Variants in OTOG observed in about 807,000 individuals in gnomAD.
OTOG encodes the protein otogelin.
In OTOG, 296 loss-of-function variants were observed where a neutral mutation model predicts 313.8. The observed-to-expected ratio is 0.94, with a 90% CI of 0.86 to 1.04. The LOEUF (loss-of-function observed/expected upper bound fraction) is 1.04, where lower values mean the gene tolerates loss of function less well. Ranked by LOEUF, OTOG falls within the 50% of genes least tolerant of loss-of-function variation. The pLI is 0.00. For synonymous variants in OTOG, 1,533 were observed against 1,554.9 expected (o/e 0.99, Z 0.33); for missense variants, 3,948 against 3,840.1 (o/e 1.03, Z -0.74).
chr11:17,634,625 G>T (rs533757853), intron 44 of OTOG, among the ~76,000 whole-genome samples: 2 of 152,270 alleles, frequency 1.3e-5, no homozygotes, highest in East Asian at 3.9e-4. Flanking sequence ...TGTGAGATGG[G>T]GTGCGTGTCA....
chr11:17,552,603 C>CCTCACCTGTACTGTGTCT (rs1363927998), intron 4 of OTOG, among the ~76,000 whole-genome samples: 4 of 134,322 alleles, frequency 3.0e-5, no homozygotes, highest in Admixed American at 7.5e-5. Context: ...GTCCTGTGTC[C>CCTCACCTGTACTGTGTCT]CCCACCTGTC....
intron 19 of OTOG, among the ~76,000 whole-genome samples, chr11:17,573,593 C>A (rs1852454552): frequency 6.6e-6 from 1 of 152,208 alleles, no homozygotes; most frequent in South Asian, 2.1e-4. Context: ...ACCTCCGCCA[C>A]CCTACTCAGA....
chr11:17,553,443 A>C lies in OTOG; in HGVS notation c.464A>C (p.Tyr155Ser). 6.8e-7 allele frequency: 1 copy of C among 1,472,846 alleles called. No homozygotes were observed. Among genetic ancestry groups the C allele is most frequent in the Non-Finnish European group, 9.0e-7 (1 of 1,110,456 alleles). The allele number at this position is 1,472,846 out of a possible 1,614,324, so 91.2% of individuals were successfully genotyped here. Residue 155 changes from tyrosine to serine, a missense_variant, in exon 6 of 56, where the codon TAC becomes TCC. By Grantham distance (144) the Tyr-to-Ser change is moderately radical (BLOSUM62 -2). Coordinates refer to ENST00000399397, the MANE Select transcript of OTOG (RefSeq NM_001292063.2). Reference sequence around the variant, plus strand: ...CACGTGGAGACATTTGATGGGCTCTACTACTACCTCTCCGGAAAGGGCAGC... The same window carrying C: ...CACGTGGAGACATTTGATGGGCTCTCCTACTACCTCTCCGGAAAGGGCAGC... ...QHHVETFDGLYYYLSGKGSYT... is the reference protein window; with the variant it reads ...QHHVETFDGLSYYLSGKGSYT...
chr11:17,642,374 A>T (rs897109372), intron 53 of OTOG, 128 bp downstream of exon 53: 1 of 1,251,848 alleles, frequency 8.0e-7, no homozygotes, highest in Non-Finnish European at 1.1e-6. Context: ...CTGCACTGCC[A>T]CCCCAAATCC....
rs1853193893 is a variant in OTOG, at chr11:17,599,544, TGTG to T, written c.3683-125_3683-123del. On this transcript the variant is annotated intron_variant, in intron 30 of 55. Coordinates refer to ENST00000399397, the MANE Select transcript of OTOG (RefSeq NM_001292063.2). Reference sequence around the variant, plus strand: ...CCATGACCATTCCCAAATCTTGACATGTGGGAGGCAGGCCAGGCCCAGCACTTG... The same window carrying T: ...CCATGACCATTCCCAAATCTTGACATGGAGGCAGGCCAGGCCCAGCACTTG... 17 of 963,916 alleles carry T rather than the reference TGTG, an allele frequency of 1.8e-5. No individual in the cohort carries two copies. The South Asian group carries it at 2.5e-4, about 14-fold the overall frequency. The allele number at this position is 963,916 out of a possible 1,614,324, so 59.7% of individuals were successfully genotyped here. A position where few individuals can be genotyped will look rare whatever the true frequency, so the allele number is the denominator to read the frequency against.
chr11:17,573,052 C>A, intron 18 of OTOG, 26 bp from the exon 19 acceptor site: 1 of 1,522,816 alleles, frequency 6.6e-7, no homozygotes, highest in South Asian at 1.2e-5. Flanking sequence ...CCCCTGACTG[C>A]CTGGCTCCTG....
intron 20 of OTOG, 130 bp from the exon 21 acceptor site, chr11:17,576,426 A>C: frequency 1.4e-6 from 1 of 721,026 alleles, no homozygotes; most frequent in Non-Finnish European, 2.5e-6. Flanking sequence ...GTCACATGTC[A>C]CTGTAGATAC....
At chr11:17,578,169 G>A (rs1290781663) in intron 22 of OTOG, 19 of 1,168,750 alleles carry the variant, frequency 1.6e-5, no homozygotes, top group South Asian at 9.1e-5. Context: ...CCTGGTGGCC[G>A]CAGTCTTATT....
At position 17,553,472 on chromosome 11, in the gene OTOG, A is replaced by G. The variant is rs1193750530; in HGVS notation, c.493A>G (p.Thr165Ala). Residue 165 changes from threonine to alanine, a missense_variant, in exon 6 of 56, where the codon ACC (threonine) becomes GCC (alanine). By Grantham distance (58) the Thr-to-Ala change is moderately conservative. Coordinates refer to ENST00000399397, the MANE Select transcript of OTOG (RefSeq NM_001292063.2). ...YYYLSGKGSY[T>A]LVGRHEPEGQ... ...CTACCTCTCCGGAAAGGGCAGCTAC[A>G]CCCTGGTGGGTCGCCATGAGCCCGA... 8 of 1,458,740 alleles carry G rather than the reference A, an allele frequency of 5.5e-6. No individual in the cohort carries two copies. In the South Asian group the frequency reaches 1.0e-4, roughly 19 times the overall value. The allele number at this position is 1,458,740 out of a possible 1,614,324, so 90.4% of individuals were successfully genotyped here. A position where few individuals can be genotyped will look rare whatever the true frequency, so the allele number is the denominator to read the frequency against.
chr11:17,643,564 C>T (rs1054226528), intron 54 of OTOG, 58 bp downstream of exon 54: 4 of 1,261,560 alleles, frequency 3.2e-6, no homozygotes, highest in Non-Finnish European at 4.2e-6. Context: ...CACAGGGTGT[C>T]ATGTCAGGGG....
rs895922366 is a variant in OTOG, at chr11:17,573,138, C to T, written c.2141C>T (p.Ala714Val). ...LTGEMFAPCS[A>V]FLSPVPYFEQ... ...GGGGAGATGTTTGCGCCCTGCTCTGCGTTCCTGAGCCCCGTGCCCTACTTT... is the reference window on the plus strand; with the variant it reads ...GGGGAGATGTTTGCGCCCTGCTCTGTGTTCCTGAGCCCCGTGCCCTACTTT... The change falls in exon 19 of 56, where the codon GCG becomes GTG. Residue 714 changes from alanine (A) to valine (V), a missense_variant. Coordinates refer to ENST00000399397, the MANE Select transcript of OTOG (RefSeq NM_001292063.2). The T allele has an allele frequency of 3.6e-5, 55 of 1,546,602 alleles. No homozygotes were observed. The highest frequency in any genetic ancestry group is 4.4e-5 in the Non-Finnish European group (51 of 1,146,954).
chr11:17,549,003 C>T (rs991782754), intron 3 of OTOG, among the ~76,000 whole-genome samples: 4 of 152,144 alleles, frequency 2.6e-5, no homozygotes, highest in Non-Finnish European at 5.9e-5. Flanking sequence ...AGGCATGAGC[C>T]ACTGAGCCCG....
chr11:17,642,315 A>T, intron 53 of OTOG, 69 bp downstream of exon 53: 1 of 1,491,330 alleles, frequency 6.7e-7, no homozygotes, highest in African/African-American at 1.4e-5. Context: ...GGTGGGGTGG[A>T]GGTCCTGTGT....
intron 42 of OTOG, 44 bp downstream of exon 42, chr11:17,632,270 C>G (rs200019798): frequency 4.6e-6 from 7 of 1,519,154 alleles, no homozygotes; most frequent in Non-Finnish European, 6.2e-6. Context: ...GACTATTGTT[C>G]CCATCCCCTG....
chr11:17,614,607 C>A (rs7128016), intron 39 of OTOG, among the ~76,000 whole-genome samples: 9 of 152,226 alleles, frequency 5.9e-5, no homozygotes, highest in East Asian at 3.9e-4. Context: ...ACCCCTCCCC[C>A]CTCCTGCTGA....
intron 47 of OTOG, among the ~76,000 whole-genome samples, chr11:17,638,119 G>A (rs1290089390): frequency 1.3e-5 from 2 of 152,212 alleles, no homozygotes; most frequent in African/African-American, 2.4e-5. Flanking sequence ...TAGACAGAGC[G>A]GGATGTTCCC....
intron 39 of OTOG, among the ~76,000 whole-genome samples, chr11:17,614,483 G>C (rs770785214): frequency 6.6e-6 from 1 of 152,064 alleles, no homozygotes; most frequent in Non-Finnish European, 1.5e-5. Flanking sequence ...ACCGTATTTA[G>C]TATACAATTC....
intron 29 of OTOG, 151 bp from the exon 30 acceptor site, chr11:17,596,700 C>T (rs1853118321): frequency 1.5e-6 from 1 of 668,388 alleles, no homozygotes; most frequent in Admixed American, 2.8e-5. Flanking sequence ...GTTCTCGCTT[C>T]CTTGTCCTTC....
chr11:17,586,074 A>T (rs7940163), intron 23 of OTOG, among the ~76,000 whole-genome samples: 2 of 151,998 alleles, frequency 1.3e-5, no homozygotes, highest in African/African-American at 4.8e-5. Context: ...AGACAGCAGC[A>T]CTGCTGCTTT....
Sources: allele counts gnomAD v4.1 joint callset (sites outside exome capture counted in the v4.1 genomes callset), GRCh38; gene constraint gnomAD v4.1.1; transcripts MANE v1.5; gene names NCBI Gene and HGNC (gene_info 2026-07-23, HGNC 2026-07-21).